Variants in JAM3 observed in about 807,000 individuals in gnomAD.
The protein encoded by JAM3 is junctional adhesion molecule C.
In JAM3, 31 loss-of-function variants were observed where a neutral mutation model predicts 39.4. The ratio of observed to expected loss-of-function variants is 0.79; its 90% confidence interval spans 0.59 to 1.06. JAM3 has a LOEUF of 1.06. Ranked by LOEUF, JAM3 falls within the 50% of genes least tolerant of loss-of-function variation. The pLI is 0.00. For synonymous variants in JAM3, 182 were observed against 148.7 expected (o/e 1.22, Z -1.63); for missense variants, 455 against 391.4 (o/e 1.16, Z -1.37).
intron 1 of JAM3, among the ~76,000 whole-genome samples, chr11:134,116,741 C>T: frequency 6.6e-6 from 1 of 151,946 alleles, no homozygotes; most frequent in African/African-American, 2.4e-5. Context: ...TGCTTCTAGG[C>T]TCTCGGTGAA....
At chr11:134,098,691 A>G (rs1283104866) in intron 1 of JAM3, among the ~76,000 whole-genome samples, 1 of 151,678 alleles carries the variant, frequency 6.6e-6, no homozygotes, top group East Asian at 1.9e-4. Flanking sequence ...GCAGCATTGT[A>G]TCTTCTTTTT....
At chr11:134,126,064 T>C (rs1435763249) in intron 1 of JAM3, among the ~76,000 whole-genome samples, 2 of 152,162 alleles carry the variant, frequency 1.3e-5, no homozygotes, top group Non-Finnish European at 2.9e-5. Context: ...TATGTGAAAA[T>C]TCGTGTTCTG....
intron 3 of JAM3, 143 bp downstream of exon 3, chr11:134,140,913 AT>A: frequency 8.9e-7 from 1 of 1,122,158 alleles, no homozygotes; most frequent in Non-Finnish European, 1.2e-6. Flanking sequence ...ATTTATAATT[AT>A]GGAAAATTTC....
At chr11:134,108,513 T>C (rs1565491350) in intron 1 of JAM3, among the ~76,000 whole-genome samples, 2 of 152,158 alleles carry the variant, frequency 1.3e-5, no homozygotes, top group East Asian at 1.9e-4. Context: ...TGAACATAGA[T>C]GCAAAAATTT....
intron 6 of JAM3, among the ~76,000 whole-genome samples, chr11:134,147,242 T>A (rs1354102616): frequency 6.6e-6 from 1 of 151,652 alleles, no homozygotes; most frequent in Non-Finnish European, 1.5e-5. Context: ...TCACCTGAGG[T>A]CAGGAGTTCA....
At chr11:134,148,955 AACACAC>A (rs368934602) in intron 8 of JAM3, 137 bp downstream of exon 8, 14,538 of 686,924 alleles carry the variant, frequency 0.021, 51 homozygotes, top group African/African-American at 0.053. Flanking sequence ...CCTTCACAGT[AACACAC>A]ACACACACAC....
chr11:134,140,865 C>T, intron 3 of JAM3, 95 bp downstream of exon 3: 2 of 1,492,332 alleles, frequency 1.3e-6, no homozygotes, highest in Non-Finnish European at 1.8e-6. Flanking sequence ...GACTGGTAAC[C>T]TGCATCTGTA....
chr11:134,119,498 G>A (rs1942496546), intron 1 of JAM3, among the ~76,000 whole-genome samples: 1 of 152,188 alleles, frequency 6.6e-6, no homozygotes, highest in East Asian at 1.9e-4. Flanking sequence ...GAACTATTAG[G>A]AGATAGAGAG....
chr11:134,100,118 T>A (rs1369210618), intron 1 of JAM3, among the ~76,000 whole-genome samples: 3 of 152,196 alleles, frequency 2.0e-5, no homozygotes, highest in Non-Finnish European at 2.9e-5. Context: ...TCTTCTCAAA[T>A]TCTGTTTCTG....
intron 1 of JAM3, among the ~76,000 whole-genome samples, chr11:134,114,599 C>T (rs1289068504): frequency 2.0e-5 from 3 of 152,158 alleles, no homozygotes; most frequent in Admixed American, 6.5e-5. Context: ...CCTTTTGATT[C>T]TTCTTTGACT....
At chr11:134,095,370 G>A (rs993374070) in intron 1 of JAM3, among the ~76,000 whole-genome samples, 2 of 151,964 alleles carry the variant, frequency 1.3e-5, no homozygotes, top group African/African-American at 4.8e-5. Flanking sequence ...AGTGGCTCAC[G>A]CCTATAATCC....
At chr11:134,072,329 T>G (rs554883976) in intron 1 of JAM3, among the ~76,000 whole-genome samples, 2 of 151,830 alleles carry the variant, frequency 1.3e-5, no homozygotes, top group South Asian at 4.2e-4. Flanking sequence ...TTTTTTTTTT[T>G]GAGACTGAGT....
intron 1 of JAM3, among the ~76,000 whole-genome samples, chr11:134,117,939 G>A (rs938456593): frequency 6.6e-6 from 1 of 152,180 alleles, no homozygotes; most frequent in Non-Finnish European, 1.5e-5. Flanking sequence ...AATGTCTGCA[G>A]TTGGAATGCA....
intron 1 of JAM3, among the ~76,000 whole-genome samples, chr11:134,097,767 CT>C (rs1159814736): frequency 6.6e-6 from 1 of 152,084 alleles, no homozygotes; most frequent in South Asian, 2.1e-4. Flanking sequence ...CAAGTTGCCA[CT>C]TTATAAATTC....
In JAM3 at chr11:134,151,802, C is replaced by T. The variant is rs1373282672; in HGVS notation, c.*2621C>T. The T allele has an allele frequency of 6.6e-6, 1 of 152,198 alleles. No individual in the cohort carries two copies. Among genetic ancestry groups the T allele is most frequent in the Admixed American group, 6.5e-5 (1 of 15,274 alleles). 9.4% of individuals were successfully genotyped at this position (152,198 alleles called of 1,614,324 possible). ...TGCTCTTACGTTGGGTTTGTCTCTTCTTCCTAGCATTTCAGTGGTTAGGCA... is the reference window on the plus strand; with the variant it reads ...TGCTCTTACGTTGGGTTTGTCTCTTTTTCCTAGCATTTCAGTGGTTAGGCA... On this transcript the variant is annotated 3_prime_UTR_variant, in exon 9 of 9. Transcript: ENST00000299106.
At chr11:134,069,615 G>T (rs1941455440) in intron 1 of JAM3, among the ~76,000 whole-genome samples, 1 of 152,022 alleles carries the variant, frequency 6.6e-6, no homozygotes, top group South Asian at 2.1e-4. Flanking sequence ...TCGTCCCCGG[G>T]GTGGACCCCT....
chr11:134,130,962 G>T (rs910129341), intron 1 of JAM3, among the ~76,000 whole-genome samples: 9 of 152,166 alleles, frequency 5.9e-5, no homozygotes, highest in Non-Finnish European at 1.2e-4. Context: ...ATTCTGGCTG[G>T]ACATGTACAA....
intron 1 of JAM3, among the ~76,000 whole-genome samples, chr11:134,114,220 T>A (rs1361455577): frequency 2.0e-5 from 3 of 152,258 alleles, no homozygotes; most frequent in Non-Finnish European, 4.4e-5. Flanking sequence ...TTGTCAATTT[T>A]GGCTTTTGTT....
chr11:134,072,617 C>T (rs1407180560), intron 1 of JAM3, among the ~76,000 whole-genome samples: 1 of 152,206 alleles, frequency 6.6e-6, no homozygotes, highest in East Asian at 1.9e-4. Flanking sequence ...GCTGGATTCT[C>T]TTTTAAGATA....
Sources: allele counts gnomAD v4.1 joint callset (sites outside exome capture counted in the v4.1 genomes callset), GRCh38; gene constraint gnomAD v4.1.1; transcripts MANE v1.5; gene names NCBI Gene and HGNC (gene_info 2026-07-23, HGNC 2026-07-21).